Variants in ZNF536 observed in about 807,000 individuals in gnomAD.
ZNF536 encodes the protein zinc finger protein 536.
In ZNF536, 13 loss-of-function variants were observed where a neutral mutation model predicts 84.5. That is an observed-to-expected ratio of 0.15 (90% CI 0.10 to 0.24). The LOEUF is 0.24. Ranked by LOEUF, ZNF536 falls within the 10% of genes least tolerant of loss-of-function variation. The probability of loss-of-function intolerance (pLI) is 1.00; values close to 1 mark genes in which losing one functional copy is unlikely to be tolerated. For missense variants in ZNF536, 1,536 were observed against 1,747.5 expected (o/e 0.88, Z 2.16); for synonymous variants, 811 against 742.5 (o/e 1.09, Z -1.50).
At chr19:30,585,001 G>A (rs1206059221) in intron 1 of ZNF536, among the ~76,000 whole-genome samples, 1 of 152,014 alleles carries the variant, frequency 6.6e-6, no homozygotes, top group East Asian at 1.9e-4. Context: ...GGAGGCTGAG[G>A]TGGGAGGATT....
At position 30,527,219 on chromosome 19, in the gene ZNF536, CTTTTTTTTTT is replaced by C. The variant is rs56404227; in HGVS notation, c.2171-7606_2171-7597del. 1.5e-3 allele frequency among the ~76,000 whole-genome samples: 157 copies of C among 106,170 alleles called. 3 individuals are homozygous for C. The highest frequency in any genetic ancestry group is 3.8e-3 in the African/African-American group (97 of 25,756). The allele number at this position is 106,170 out of a possible 152,430, so 69.7% of individuals were successfully genotyped here. A position where few individuals can be genotyped will look rare whatever the true frequency, so the allele number is the denominator to read the frequency against. Reference sequence around the variant, plus strand: ...GGTGTGATCCACCACACCCAGCCTCCTTTTTTTTTTTTTTTTTTTTTTTTTTTTTTTAAGA... The same window carrying C: ...GGTGTGATCCACCACACCCAGCCTCCTTTTTTTTTTTTTTTTTTTTTAAGA... On this transcript the variant is annotated intron_variant, in intron 2 of 4. Transcript: ENST00000355537.
At chr19:30,304,077 G>A (rs2046273394) in intron 2 of ZNF536, among the ~76,000 whole-genome samples, 1 of 152,194 alleles carries the variant, frequency 6.6e-6, no homozygotes, top group African/African-American at 2.4e-5. Context: ...GGTCTTAAGA[G>A]TTCCCGGTTG....
intron 1 of ZNF536, among the ~76,000 whole-genome samples, chr19:30,230,436 G>A (rs894630724): frequency 6.6e-6 from 1 of 152,162 alleles, no homozygotes; most frequent in Admixed American, 6.5e-5. Context: ...ATCTTGTTCT[G>A]TGCCTGGAGT....
chr19:30,363,454 C>T (rs994789198), intron 3 of ZNF536, among the ~76,000 whole-genome samples: 1 of 152,012 alleles, frequency 6.6e-6, no homozygotes, highest in South Asian at 2.1e-4. Context: ...AAGGTGCGCA[C>T]TTTTTCAGTA....
intron 1 of ZNF536, among the ~76,000 whole-genome samples, chr19:30,642,340 T>C (rs2049297370): frequency 6.6e-6 from 1 of 152,172 alleles, no homozygotes; most frequent in Admixed American, 6.5e-5. Context: ...CCAGGGGGTT[T>C]GAGGGTCTTG....
Position 30,444,349 on chromosome 19 carries a change from G to C in ZNF536, c.787G>C (p.Val263Leu), listed in dbSNP as rs761513607. Residue 263 changes from valine to leucine, a missense_variant, in exon 2 of 5, where the codon GTG becomes CTG. Val to Leu is a conservative substitution (Grantham distance 32, BLOSUM62 1). Around this residue, in one of 8 missense-constraint regions of ZNF536, gnomAD observed 138 missense variants for 136.8 expected, o/e 1.01. Coordinates refer to ENST00000355537, the MANE Select transcript of ZNF536 (RefSeq NM_014717.3). ...GGTGCCCTCGCCCAAGCCTGCCAGC[G>C]TGCAGGAGGACGCGGTGGCCCCGGC... Reference protein sequence around the residue: ...HPVPSPKPASVQEDAVAPAAG... With the variant: ...HPVPSPKPASLQEDAVAPAAG... 1.2e-5 allele frequency: 19 copies of C among 1,599,210 alleles called. No individual in the cohort carries two copies. The highest frequency in any genetic ancestry group is 2.7e-5 in the African/African-American group (2 of 74,852).
At chr19:30,655,117 T>C (rs897646361) in intron 1 of ZNF536, among the ~76,000 whole-genome samples, 7 of 152,196 alleles carry the variant, frequency 4.6e-5, no homozygotes, top group South Asian at 2.1e-4. Context: ...GACACTCAGA[T>C]TGACAGCTCT....
chr19:30,659,199 A>G (rs140109726), intron 1 of ZNF536, among the ~76,000 whole-genome samples: 3,087 of 152,294 alleles, frequency 0.02, 100 homozygotes, highest in African/African-American at 0.071. Context: ...AGTTCTGCAG[A>G]CTGTACAGGA....
intron 3 of ZNF536, among the ~76,000 whole-genome samples, chr19:30,535,663 G>A (rs565747518): frequency 6.9e-4 from 105 of 152,046 alleles, no homozygotes; most frequent in African/African-American, 2.5e-3. Context: ...AGGGAGTTCT[G>A]TGTGTCCCTC....
At chr19:30,294,222 G>A (rs538518767) in intron 2 of ZNF536, among the ~76,000 whole-genome samples, 1 of 152,306 alleles carries the variant, frequency 6.6e-6, no homozygotes, top group South Asian at 2.1e-4. Flanking sequence ...GTTTTAGCTG[G>A]GGAGGTAGAG....
chr19:30,287,670 G>A lies in ZNF536; in HGVS notation c.-120+3529G>A, dbSNP rs200789759. On this transcript the variant is annotated intron_variant, in intron 2 of 5. Coordinates refer to the ZNF536 transcript ENST00000585628. ...GATGGGTGGGTGGATGGATGGGTGG[G>A]TGGATGGATGGATGGATGGATGGAT... Among the ~76,000 whole-genome samples the A allele has an allele frequency of 4.8e-3, 304 of 63,152 alleles. 2 individuals are homozygous for A. The highest frequency in any genetic ancestry group is 0.039 in the South Asian group (58 of 1,500). The allele number at this position is 63,152 out of a possible 152,430, so 41.4% of individuals were successfully genotyped here. A position where few individuals can be genotyped will look rare whatever the true frequency, so the allele number is the denominator to read the frequency against.
chr19:30,510,022 A>G (rs1168551748), intron 2 of ZNF536, among the ~76,000 whole-genome samples: 3 of 152,242 alleles, frequency 2.0e-5, no homozygotes, highest in Non-Finnish European at 4.4e-5. Flanking sequence ...TGCATCTGAC[A>G]TGAAAATATT....
At chr19:30,697,444 C>T (rs1317377568) in intron 1 of ZNF536, among the ~76,000 whole-genome samples, 3 of 152,226 alleles carry the variant, frequency 2.0e-5, no homozygotes, top group African/African-American at 7.2e-5. Flanking sequence ...TATTTTAATA[C>T]TTACAGCCTT....
chr19:30,452,348 T>G (rs866526934), intron 2 of ZNF536, among the ~76,000 whole-genome samples: 25 of 152,356 alleles, frequency 1.6e-4, no homozygotes, highest in African/African-American at 5.8e-4. Context: ...CTTTGTGTCC[T>G]GTTCATAGGA....
chr19:30,661,419 A>C (rs928202408), intron 1 of ZNF536, among the ~76,000 whole-genome samples: 2 of 152,218 alleles, frequency 1.3e-5, no homozygotes, highest in Non-Finnish European at 2.9e-5. Flanking sequence ...AAAGGCTGGT[A>C]TAATGGATTT....
At chr19:30,353,381 T>A (rs548417406) in intron 3 of ZNF536, among the ~76,000 whole-genome samples, 13 of 152,154 alleles carry the variant, frequency 8.5e-5, no homozygotes, top group South Asian at 2.1e-4. Flanking sequence ...AAGTTTTCCT[T>A]TTTTTACCCC....
chr19:30,668,002 G>C lies in ZNF536; in HGVS notation c.170-42755G>C, dbSNP rs1232773684. 2.0e-5 allele frequency among the ~76,000 whole-genome samples: 3 copies of C among 152,090 alleles called. 1 individual carries two copies. The highest frequency in any genetic ancestry group is 7.2e-5 in the African/African-American group (3 of 41,408). On this transcript the variant is annotated intron_variant, in intron 1 of 1. Coordinates refer to the ZNF536 transcript ENST00000592773. Reference sequence around the variant, plus strand: ...GGCTAGATTTGAAGCCAGGTCCTCAGGGCACTATCCTTTCAAGGAATTCTA... The same window carrying C: ...GGCTAGATTTGAAGCCAGGTCCTCACGGCACTATCCTTTCAAGGAATTCTA...
intron 1 of ZNF536, among the ~76,000 whole-genome samples, chr19:30,592,450 T>A (rs138178866): frequency 0.018 from 2,694 of 152,300 alleles, 22 homozygotes; most frequent in Non-Finnish European, 0.025. Flanking sequence ...ATACAAAGTG[T>A]GGCTGGATGA....
At chr19:30,307,387 C>A (rs891108987) in intron 2 of ZNF536, among the ~76,000 whole-genome samples, 133 of 141,892 alleles carry the variant, frequency 9.4e-4, no homozygotes, top group African/African-American at 1.3e-3. Context: ...AGAGGACGTG[C>A]AAAAAAAAAA....
Sources: allele counts gnomAD v4.1 joint callset (sites outside exome capture counted in the v4.1 genomes callset), GRCh38; gene constraint gnomAD v4.1.1; regional missense constraint gnomAD v4.1.1; transcripts MANE v1.5; gene names NCBI Gene and HGNC (gene_info 2026-07-23, HGNC 2026-07-21).